The following NRG2 variants were observed in gnomAD, a reference collection of about 807,000 sequenced individuals.
NRG2 encodes the protein neuregulin 2.
A neutral mutation model predicts 73.9 loss-of-function variants in NRG2; 27 were observed. That is an observed-to-expected ratio of 0.37 (90% CI 0.27 to 0.50). The LOEUF is 0.50. Among genes scored for constraint, NRG2 ranks in the 20% least tolerant of loss-of-function variants. The pLI, the probability that NRG2 is intolerant of heterozygous loss-of-function variation, is 0.96. For missense variants in NRG2, 1,126 were observed against 1,210.1 expected, an observed-to-expected ratio of 0.93 and a Z score of 1.03; for synonymous variants, 532 against 541.0, an observed-to-expected ratio of 0.98 and a Z score of 0.23.
Position 139,991,562 on chromosome 5 carries a change from A to T in NRG2, c.700+50808T>A, listed in dbSNP as rs1274487854. Among the ~76,000 whole-genome samples the T allele has an allele frequency of 3.3e-5, 5 of 152,056 alleles. No individual in the cohort carries two copies. In the East Asian group the frequency reaches 9.7e-4, roughly 29 times the overall value. On this transcript the variant is annotated intron_variant, in intron 1 of 9. Transcript: ENST00000361474. ...GAGTGTGCACCACCCAGCCTGGCTG[A>T]TTTTTGTATTTTTTAGTAGAGAAGA...
chr5:139,990,091 T>G (rs1757499319), intron 1 of NRG2, among the ~76,000 whole-genome samples: 1 of 151,376 alleles, frequency 6.6e-6, no homozygotes, highest in Non-Finnish European at 1.5e-5. Context: ...CCTGGCCTTA[T>G]TATTATTATT....
At chr5:139,881,595 C>T (rs1281530772) in intron 2 of NRG2, among the ~76,000 whole-genome samples, 1 of 152,206 alleles carries the variant, frequency 6.6e-6, no homozygotes, top group African/African-American at 2.4e-5. Context: ...AGCTTGTACA[C>T]CTTGGGGAAC....
rs146259746 is a variant in NRG2 at position 139,917,355 on chromosome 5, G to T, written c.701-29844C>A. On this transcript the variant is annotated intron_variant, in intron 1 of 9. Coordinates refer to ENST00000361474, the MANE Select transcript of NRG2 (RefSeq NM_004883.3). ...CAGCCTTGACCTCCCGGGCTCAAAC[G>T]ATCCTTCCACCTCAGCCTCTTGAGT... Among the ~76,000 whole-genome samples, 252 of 152,156 alleles carry T rather than the reference G, an allele frequency of 1.7e-3. 1 individual carries two copies. The highest frequency in any genetic ancestry group is 8.2e-4 in the Non-Finnish European group (56 of 68,006).
chr5:139,974,357 G>A (rs550203653), intron 1 of NRG2, among the ~76,000 whole-genome samples: 5 of 152,166 alleles, frequency 3.3e-5, no homozygotes, highest in Non-Finnish European at 4.4e-5. Context: ...TGGCAAAATG[G>A]GGAAGGGCTA....
intron 1 of NRG2, among the ~76,000 whole-genome samples, chr5:139,936,778 G>T (rs956431325): frequency 1.3e-5 from 2 of 152,092 alleles, no homozygotes; most frequent in African/African-American, 4.8e-5. Flanking sequence ...AGGAAATAAA[G>T]ATTTTTAAAA....
chr5:140,011,737 G>A (rs1233322143), intron 1 of NRG2, among the ~76,000 whole-genome samples: 4 of 152,174 alleles, frequency 2.6e-5, no homozygotes, highest in African/African-American at 9.7e-5. Context: ...TTGTAGCCTT[G>A]TGAAAGTCCC....
At chr5:139,886,254 C>T (rs538263630) in intron 2 of NRG2, among the ~76,000 whole-genome samples, 1 of 152,324 alleles carries the variant, frequency 6.6e-6, no homozygotes, top group South Asian at 2.1e-4. Context: ...AAGTAACTCC[C>T]AGTCCCCTGA....
chr5:139,932,844 G>A (rs1419231960), intron 1 of NRG2, among the ~76,000 whole-genome samples: 1 of 151,966 alleles, frequency 6.6e-6, no homozygotes, highest in East Asian at 1.9e-4. Context: ...AGACATATTG[G>A]ATGGTTAAAC....
At chr5:139,945,009 C>T (rs1459585716) in intron 1 of NRG2, among the ~76,000 whole-genome samples, 2 of 151,982 alleles carry the variant, frequency 1.3e-5, no homozygotes, top group Non-Finnish European at 2.9e-5. Flanking sequence ...ATTAGTGATG[C>T]TGAGGATTTT....
chr5:139,998,984 G>A (rs373629838), intron 1 of NRG2, among the ~76,000 whole-genome samples: 1 of 152,096 alleles, frequency 6.6e-6, no homozygotes, highest in Admixed American at 6.5e-5. Context: ...TGTCCTATGC[G>A]AGTTCAGATC....
intron 1 of NRG2, among the ~76,000 whole-genome samples, chr5:139,908,348 G>A (rs1367907949): frequency 6.6e-6 from 1 of 152,200 alleles, no homozygotes; most frequent in Non-Finnish European, 1.5e-5. Context: ...AGCAAAGCAG[G>A]TCAGCCATCA....
Position 140,029,687 on chromosome 5 carries a change from C to CAAAAAAAAAAAAAAAAAAAAAA in NRG2, c.700+12682_700+12683insTTTTTTTTTTTTTTTTTTTTTT, listed in dbSNP as rs34122778. 3.2e-3 allele frequency among the ~76,000 whole-genome samples: 195 copies of CAAAAAAAAAAAAAAAAAAAAAA among 61,244 alleles called. 11 individuals carry two copies. Among genetic ancestry groups the CAAAAAAAAAAAAAAAAAAAAAA allele is most frequent in the Non-Finnish European group, 5.4e-3 (150 of 27,900 alleles). 40.2% of individuals were successfully genotyped at this position (61,244 alleles called of 152,430 possible). On this transcript the variant is annotated intron_variant, in intron 1 of 9. Transcript: ENST00000361474. ...TGGGTGACAGAGCAAGACTCTGTCT[C>CAAAAAAAAAAAAAAAAAAAAAA]AAAAAAAAAAAAAAAAGCTCCAGCG...
intron 1 of NRG2, among the ~76,000 whole-genome samples, chr5:139,956,917 TCTGGA>T (rs1209982162): frequency 6.6e-6 from 1 of 152,090 alleles, no homozygotes; most frequent in East Asian, 1.9e-4. Flanking sequence ...TGGGCTACCA[TCTGGA>T]GAAGATGACA....
At chr5:139,975,253 G>GA (rs61608975) in intron 1 of NRG2, among the ~76,000 whole-genome samples, 6 of 151,810 alleles carry the variant, frequency 4.0e-5, no homozygotes, top group Non-Finnish European at 5.9e-5. Context: ...GGTGAAAAGG[G>GA]AAAAAAAAGA....
intron 1 of NRG2, among the ~76,000 whole-genome samples, chr5:139,994,934 G>C (rs1580901027): frequency 6.6e-6 from 1 of 152,310 alleles, no homozygotes; most frequent in South Asian, 2.1e-4. Flanking sequence ...TGAGGAGATG[G>C]AAGGAGGTTG....
At chr5:139,998,733 TA>T (rs2126614937) in intron 1 of NRG2, among the ~76,000 whole-genome samples, 2 of 143,102 alleles carry the variant, frequency 1.4e-5, no homozygotes, top group East Asian at 4.2e-4. Context: ...TGTAATTGGC[TA>T]AAAACAAACA....
chr5:139,892,723 A>T (rs775387514), intron 1 of NRG2, among the ~76,000 whole-genome samples: 14 of 152,178 alleles, frequency 9.2e-5, no homozygotes, highest in Non-Finnish European at 1.9e-4. Flanking sequence ...CCTGGGATGC[A>T]TGGGATCTGT....
intron 1 of NRG2, among the ~76,000 whole-genome samples, chr5:139,951,614 G>A (rs1754206639): frequency 6.6e-6 from 1 of 152,174 alleles, no homozygotes; most frequent in Non-Finnish European, 1.5e-5. Flanking sequence ...CCACAGCCAT[G>A]GAAAGCTCCC....
At position 139,852,360 on chromosome 5, in the gene NRG2, G is replaced by C; in HGVS notation, c.1544+72C>G. On this transcript the variant is annotated intron_variant, in intron 8 of 9. Transcript: ENST00000361474. This position sits in a 1 kb window ranked among gnomAD's most constrained non-coding sequence, Gnocchi z 4.4. ...GGGTATTGAATAGCTCTGGATGTCG[G>C]AGTAAGTGGGCACTTTGCGCCAGAT... 1 of 1,563,966 alleles carries C rather than the reference G, an allele frequency of 6.4e-7. No individual in the cohort carries two copies. The highest frequency in any genetic ancestry group is 8.7e-7 in the Non-Finnish European group (1 of 1,152,642).
Sources: allele counts gnomAD v4.1 joint callset (sites outside exome capture counted in the v4.1 genomes callset), GRCh38; gene constraint gnomAD v4.1.1; non-coding constraint Gnocchi (gnomAD v3.1); transcripts MANE v1.5; gene names NCBI Gene and HGNC (gene_info 2026-07-23, HGNC 2026-07-21).